Variants in RALYL observed in about 807,000 individuals in gnomAD.
RALYL encodes the protein RNA-binding Raly-like protein.
RALYL carries 29 observed loss-of-function variants against 35.1 expected under a neutral mutation model. The observed-to-expected ratio is 0.83, with a 90% CI of 0.61 to 1.13. The LOEUF (loss-of-function observed/expected upper bound fraction) is 1.13. RALYL is among the 50% of genes most tolerant of loss of function. RALYL has a pLI of 0.00. For missense variants in RALYL, 359 were observed against 360.4 expected, an observed-to-expected ratio of 1.00 and a Z score of 0.03; for synonymous variants, 120 against 127.6, an observed-to-expected ratio of 0.94 and a Z score of 0.40.
chr8:84,739,561 T>C (rs1159313519), intron 2 of RALYL, among the ~76,000 whole-genome samples: 1 of 151,814 alleles, frequency 6.6e-6, no homozygotes, highest in Non-Finnish European at 1.5e-5. Flanking sequence ...GAAATACTTA[T>C]GTATATATGT....
chr8:84,286,864 A>G (rs1486251850), intron 1 of RALYL, among the ~76,000 whole-genome samples: 1 of 152,192 alleles, frequency 6.6e-6, no homozygotes, highest in Non-Finnish European at 1.5e-5. Flanking sequence ...AAAGAATGGC[A>G]GTCAGGGTTC....
chr8:84,277,781 G>A (rs1835708099), intron 1 of RALYL, among the ~76,000 whole-genome samples: 3 of 152,222 alleles, frequency 2.0e-5, no homozygotes, highest in Admixed American at 2.0e-4. Flanking sequence ...GATCTCCTTT[G>A]ACTGCATGTC....
chr8:84,401,724 T>C (rs2042934155), intron 1 of RALYL, among the ~76,000 whole-genome samples: 1 of 149,716 alleles, frequency 6.7e-6, no homozygotes, highest in Non-Finnish European at 1.5e-5. Context: ...CATCATGCAG[T>C]ACATCAGAGA....
chr8:84,846,516 G>A (rs993913173), intron 4 of RALYL, among the ~76,000 whole-genome samples: 2 of 152,150 alleles, frequency 1.3e-5, no homozygotes, highest in African/African-American at 4.8e-5. Flanking sequence ...TTAGGATGAT[G>A]CTGACTTCAT....
intron 1 of RALYL, among the ~76,000 whole-genome samples, chr8:84,371,048 G>C (rs1314843919): frequency 6.6e-6 from 1 of 151,972 alleles, no homozygotes; most frequent in African/African-American, 2.4e-5. Context: ...TGATGTGAGC[G>C]AGAGTAAGAA....
intron 3 of RALYL, among the ~76,000 whole-genome samples, chr8:84,791,915 G>C (rs376942461): frequency 3.3e-5 from 5 of 152,212 alleles, no homozygotes; most frequent in Non-Finnish European, 5.9e-5. Context: ...TTTCCCCCCC[G>C]GCAGGATGTG....
At chr8:84,497,268 A>T (rs1334793946) in intron 1 of RALYL, among the ~76,000 whole-genome samples, 1 of 152,186 alleles carries the variant, frequency 6.6e-6, no homozygotes, top group Non-Finnish European at 1.5e-5. Flanking sequence ...AAGGTCTTTT[A>T]TGAGGGTGAA....
chr8:84,452,010 C>T (rs2049531935), intron 1 of RALYL, among the ~76,000 whole-genome samples: 1 of 151,882 alleles, frequency 6.6e-6, no homozygotes, highest in Admixed American at 6.6e-5. Flanking sequence ...TATTACAGAC[C>T]AAATCTGTGC....
intron 8 of RALYL, among the ~76,000 whole-genome samples, chr8:84,901,984 A>T (rs1323448312): frequency 1.3e-5 from 2 of 152,154 alleles, no homozygotes; most frequent in Non-Finnish European, 2.9e-5. Flanking sequence ...TTCCCAGAAC[A>T]AAGGGTTTCT....
chr8:84,622,472 G>A (rs1821755668), intron 2 of RALYL, among the ~76,000 whole-genome samples: 1 of 152,164 alleles, frequency 6.6e-6, no homozygotes, highest in African/African-American at 2.4e-5. Context: ...ACTAAATTTT[G>A]AGCAGATTTT....
chr8:84,406,570 CT>C lies in RALYL; in HGVS notation c.-23-122727del, dbSNP rs2043520610. Among the ~76,000 whole-genome samples the C allele has an allele frequency of 3.3e-5, 5 of 151,924 alleles. No individual in the cohort carries two copies. In the South Asian group the frequency reaches 1.0e-3, roughly 32 times the overall value. ...GGTAAGTGGAAAATAAGAGGTGGCA[CT>C]TCTGGGCATTTTCTTTTGATATAAC... On this transcript the variant is annotated intron_variant, in intron 1 of 8. Coordinates refer to ENST00000521268, the MANE Select transcript of RALYL (RefSeq NM_173848.7).
chr8:84,920,746 C>T (rs977369364), intron 8 of RALYL, 148 bp from the exon 9 acceptor site: 1 of 396,610 alleles, frequency 2.5e-6, no homozygotes. Context: ...AAGAACCTAC[C>T]ATCAAAATTA....
intron 5 of RALYL, among the ~76,000 whole-genome samples, chr8:84,856,125 T>C (rs946323743): frequency 6.6e-6 from 1 of 152,194 alleles, no homozygotes; most frequent in African/African-American, 2.4e-5. Flanking sequence ...TGTTTGAAAA[T>C]AACAGCATGG....
chr8:84,910,904 A>T (rs1847405671), intron 8 of RALYL, among the ~76,000 whole-genome samples: 1 of 152,062 alleles, frequency 6.6e-6, no homozygotes, highest in Non-Finnish European at 1.5e-5. Context: ...CAGAATTTTA[A>T]ATGATTTCAA....
chr8:84,887,504 C>A (rs1032282306), intron 7 of RALYL, 100 bp from the exon 8 acceptor site: 5 of 968,212 alleles, frequency 5.2e-6, no homozygotes, highest in Middle Eastern at 3.4e-4. Flanking sequence ...CCTTTAATAG[C>A]ATATAGCGTT....
chr8:84,292,017 G>A (rs1404162408), intron 1 of RALYL, among the ~76,000 whole-genome samples: 2 of 151,254 alleles, frequency 1.3e-5, no homozygotes, highest in African/African-American at 4.8e-5. Flanking sequence ...ACATATATAT[G>A]TACTACTCAG....
At chr8:84,318,128 A>T (rs1305176103) in intron 1 of RALYL, among the ~76,000 whole-genome samples, 1 of 152,120 alleles carries the variant, frequency 6.6e-6, no homozygotes, top group South Asian at 2.1e-4. Context: ...TACTGTAAAA[A>T]TAAGATGTGG....
At chr8:84,612,474 A>G (rs1024490763) in intron 2 of RALYL, among the ~76,000 whole-genome samples, 7 of 152,012 alleles carry the variant, frequency 4.6e-5, no homozygotes, top group Non-Finnish European at 8.8e-5. Flanking sequence ...ATGAGCCAGG[A>G]CAAGACCACT....
intron 2 of RALYL, among the ~76,000 whole-genome samples, chr8:84,641,621 A>C (rs972641744): frequency 7.2e-5 from 11 of 151,880 alleles, no homozygotes; most frequent in Non-Finnish European, 1.0e-4. Flanking sequence ...CTGTCATATT[A>C]CACAAAGCTA....
Sources: gnomAD v4.1 joint callset for allele counts (sites outside exome capture counted in the v4.1 genomes callset) on GRCh38, gnomAD v4.1.1 for gene constraint, MANE v1.5 for transcripts, NCBI Gene and HGNC (gene_info 2026-07-23, HGNC 2026-07-21) for gene names.